The following CNTN5 variants were observed in gnomAD, a reference collection of about 807,000 sequenced individuals.
CNTN5 encodes contactin 5.
In CNTN5, 77 loss-of-function variants were observed where a neutral mutation model predicts 129.1. The ratio of observed to expected loss-of-function variants is 0.60; its 90% confidence interval spans 0.50 to 0.72. The LOEUF (loss-of-function observed/expected upper bound fraction) is 0.72, where lower values mean the gene tolerates loss of function less well. CNTN5 is among the 30% of genes least tolerant of loss of function. The pLI is 0.00. For missense variants in CNTN5, 1,478 were observed against 1,328.8 expected (o/e 1.11, Z -1.75); for synonymous variants, 509 against 465.6 (o/e 1.09, Z -1.20).
chr11:100,152,182 T>C (rs891897178), intron 13 of CNTN5, among the ~76,000 whole-genome samples: 2 of 152,136 alleles, frequency 1.3e-5, no homozygotes, highest in Admixed American at 1.3e-4. Context: ...GTCTCCTTTT[T>C]CTCCTTAACC....
At chr11:99,415,407 G>A (rs1018222858) in intron 2 of CNTN5, among the ~76,000 whole-genome samples, 2 of 152,158 alleles carry the variant, frequency 1.3e-5, no homozygotes, top group African/African-American at 4.8e-5. Flanking sequence ...TGGCCTCTCT[G>A]TGAGGCATTC....
intron 9 of CNTN5, among the ~76,000 whole-genome samples, chr11:100,013,149 C>T (rs901272900): frequency 6.6e-6 from 1 of 152,032 alleles, no homozygotes; most frequent in Non-Finnish European, 1.5e-5. Flanking sequence ...TACACATGGG[C>T]ATATGCTGTG....
chr11:99,559,997 A>G (rs1355925765), intron 3 of CNTN5, among the ~76,000 whole-genome samples: 1 of 152,186 alleles, frequency 6.6e-6, no homozygotes, highest in South Asian at 2.1e-4. Context: ...ACAACTGGAA[A>G]GAGAAAAGCT....
rs77617483 is a variant in CNTN5 at position 99,643,927 on chromosome 11, A to T, written c.55+87658A>T. ...TGGCTTTAACAAATTTCAGTAATTTAAAAATATAAACAATTTTTTCAGTAT... is the reference window on the plus strand; with the variant it reads ...TGGCTTTAACAAATTTCAGTAATTTTAAAATATAAACAATTTTTTCAGTAT... On this transcript the variant is annotated intron_variant, in intron 3 of 24. Transcript: ENST00000524871. Among the ~76,000 whole-genome samples the T allele has an allele frequency of 7.0e-3, 1,059 of 152,336 alleles. 71 individuals are homozygous for T. The East Asian group carries it at 0.17, about 24-fold the overall frequency.
At chr11:99,185,135 G>T (rs1428390408) in intron 1 of CNTN5, among the ~76,000 whole-genome samples, 1 of 151,678 alleles carries the variant, frequency 6.6e-6, no homozygotes, top group African/African-American at 2.4e-5. Context: ...ATTCAAGAAA[G>T]AAAATATCAA....
chr11:100,197,729 G>T (rs1388715500), intron 15 of CNTN5, among the ~76,000 whole-genome samples: 1 of 151,948 alleles, frequency 6.6e-6, no homozygotes, highest in East Asian at 1.9e-4. Flanking sequence ...TCCTTATAAT[G>T]CATAAAGAAG....
At chr11:99,758,171 G>A (rs930487964) in intron 3 of CNTN5, among the ~76,000 whole-genome samples, 2 of 152,000 alleles carry the variant, frequency 1.3e-5, no homozygotes, top group African/African-American at 4.8e-5. Context: ...GAAAAACACT[G>A]TCCTCAAGGT....
At chr11:100,098,216 A>G (rs753635008) in intron 13 of CNTN5, among the ~76,000 whole-genome samples, 1 of 152,104 alleles carries the variant, frequency 6.6e-6, no homozygotes, top group Non-Finnish European at 1.5e-5. Context: ...TAAGCAAAAA[A>G]AAGTATTTGA....
intron 7 of CNTN5, among the ~76,000 whole-genome samples, chr11:99,942,048 T>C (rs1950450734): frequency 6.6e-6 from 1 of 152,126 alleles, no homozygotes; most frequent in Admixed American, 6.6e-5. Context: ...GAAAACTGTT[T>C]TTGAAAATTA....
intron 6 of CNTN5, among the ~76,000 whole-genome samples, chr11:99,914,350 A>C (rs1450116319): frequency 6.6e-6 from 1 of 152,102 alleles, no homozygotes; most frequent in African/African-American, 2.4e-5. Context: ...ATTTCATATT[A>C]AGATCATTTT....
intron 1 of CNTN5, among the ~76,000 whole-genome samples, chr11:99,259,088 T>A (rs1862511663): frequency 6.6e-6 from 1 of 151,904 alleles, no homozygotes; most frequent in Non-Finnish European, 1.5e-5. Context: ...ATATATAATA[T>A]GAATGAATAA....
At chr11:99,844,396 A>T (rs1350425431) in intron 4 of CNTN5, among the ~76,000 whole-genome samples, 3 of 152,148 alleles carry the variant, frequency 2.0e-5, no homozygotes, top group East Asian at 1.9e-4. Flanking sequence ...TGAAGAATAT[A>T]AAAAAATGCA....
intron 2 of CNTN5, among the ~76,000 whole-genome samples, chr11:99,446,406 C>T (rs1420714638): frequency 6.6e-6 from 1 of 152,100 alleles, no homozygotes; most frequent in Non-Finnish European, 1.5e-5. Context: ...TTTATATTTT[C>T]ACTTGGTTAG....
chr11:99,335,886 G>T (rs1052139528), intron 2 of CNTN5, among the ~76,000 whole-genome samples: 1 of 152,066 alleles, frequency 6.6e-6, no homozygotes, highest in Non-Finnish European at 1.5e-5. Flanking sequence ...AGTCCTCTAT[G>T]CCTGCAGGTG....
chr11:99,421,224 A>T (rs1942874896), intron 2 of CNTN5, among the ~76,000 whole-genome samples: 1 of 151,888 alleles, frequency 6.6e-6, no homozygotes, highest in African/African-American at 2.4e-5. Flanking sequence ...ACATGGGCGG[A>T]CAACATACCT....
At chr11:99,040,999 T>C (rs888784645) in intron 1 of CNTN5, among the ~76,000 whole-genome samples, 4 of 152,152 alleles carry the variant, frequency 2.6e-5, no homozygotes, top group African/African-American at 7.2e-5. Context: ...AAACCAAATG[T>C]ATTAAGAGAA....
intron 13 of CNTN5, among the ~76,000 whole-genome samples, chr11:100,167,259 C>G (rs1377233518): frequency 6.6e-6 from 1 of 151,038 alleles, no homozygotes; most frequent in East Asian, 1.9e-4. Flanking sequence ...AAGACATATA[C>G]TGTGTGTAAG....
chr11:99,539,829 A>G (rs1948036816), intron 2 of CNTN5, among the ~76,000 whole-genome samples: 1 of 152,146 alleles, frequency 6.6e-6, no homozygotes, highest in South Asian at 2.1e-4. Flanking sequence ...CTTGTACCAT[A>G]TATGTAAATC....
chr11:99,253,422 G>A (rs1338419498), intron 1 of CNTN5, among the ~76,000 whole-genome samples: 1 of 151,992 alleles, frequency 6.6e-6, no homozygotes, highest in Admixed American at 6.6e-5. Flanking sequence ...CGTCAACAAC[G>A]TATAGCCATA....
Sources: allele counts gnomAD v4.1 joint callset (sites outside exome capture counted in the v4.1 genomes callset), GRCh38; gene constraint gnomAD v4.1.1; transcripts MANE v1.5; gene names NCBI Gene and HGNC (gene_info 2026-07-23, HGNC 2026-07-21).